The following DMKN variants were observed in gnomAD, a reference collection of about 807,000 sequenced individuals.
DMKN encodes the protein epidermis-specific secreted protein SK30/SK89.
DMKN carries 58 observed loss-of-function variants against 67.6 expected under a neutral mutation model. The ratio of observed to expected loss-of-function variants is 0.86; its 90% CI spans 0.69 to 1.07. The LOEUF is 1.07. Among genes scored for constraint, DMKN ranks in the 50% least tolerant of loss-of-function variants. The pLI is 0.00. For synonymous variants in DMKN, 240 were observed against 232.3 expected (o/e 1.03, Z -0.30); for missense variants, 596 against 601.5 (o/e 0.99, Z 0.10).
Position 35,510,184 on chromosome 19 carries a change from C to T in DMKN, c.987G>A (p.Gly329=). ...GSGGGNGHKP[G]CEKPGNEARG... ...TGGGAGATTCACGCCAGCCACTCAC[C>T]CCGGGTTTATGTCCATTTCCTCCGC... The change falls in exon 6 of 16, where the codon GGG becomes GGA. Residue 329 remains glycine (G), a splice_region_variant and synonymous_variant. Transcript: ENST00000339686. The T allele has an allele frequency of 6.2e-7, 1 of 1,608,104 alleles. No homozygotes were observed. The highest frequency in any genetic ancestry group is 1.7e-5 in the Admixed American group (1 of 59,346).
At chr19:35,502,934 T>C (rs1159404974) in intron 9 of DMKN, 48 bp from the exon 10 acceptor site, 1 of 1,576,900 alleles carries the variant, frequency 6.3e-7, no homozygotes, top group Non-Finnish European at 8.7e-7. Context: ...CTGGGCCCAC[T>C]CACCCACCCC....
At chr19:35,511,870 C>A in intron 3 of DMKN, 57 bp from the exon 4 acceptor site, 1 of 1,554,290 alleles carries the variant, frequency 6.4e-7, no homozygotes, top group South Asian at 1.2e-5. Context: ...ACGTTGGCCT[C>A]GGCCATGGAC....
intron 9 of DMKN, among the ~76,000 whole-genome samples, chr19:35,503,793 G>C (rs56364501): frequency 6.6e-6 from 1 of 152,058 alleles, no homozygotes; most frequent in Admixed American, 6.6e-5. Context: ...GGTTCTAAGA[G>C]AGAGCTTGAG....
At position 35,513,256 on chromosome 19, in the gene DMKN, C is replaced by G. The variant is rs1415711477; in HGVS notation, c.220G>C (p.Gly74Arg). Residue 74 changes from glycine to arginine, a missense_variant, in exon 1 of 16, where the codon GGG becomes CGG. Coordinates refer to ENST00000339686, the MANE Select transcript of DMKN (RefSeq NM_033317.5). ...GSKVSEALGQ[G>R]TREAVGTGVR... ...CCAGTGCCAACTGCTTCTCTGGTCCCTTGGCCAAGGGCCTCACTGACTTTA... is the reference window on the plus strand; with the variant it reads ...CCAGTGCCAACTGCTTCTCTGGTCCGTTGGCCAAGGGCCTCACTGACTTTA... 6.2e-7 allele frequency: 1 copy of G among 1,614,266 alleles called. No individual in the cohort carries two copies. The highest frequency in any genetic ancestry group is 1.7e-5 in the Admixed American group (1 of 60,036).
intron 7 of DMKN, chr19:35,506,369 A>G (rs1225888866): frequency 1.6e-6 from 1 of 642,302 alleles, no homozygotes. Context: ...CTTTCTTAGA[A>G]TGGATTGCTC....
intron 9 of DMKN, chr19:35,503,313 G>A: frequency 6.5e-7 from 1 of 1,533,658 alleles, no homozygotes; most frequent in African/African-American, 1.4e-5. Flanking sequence ...GTGTGGGGCA[G>A]CTAAGGTTTA....
Position 35,502,560 on chromosome 19 carries a change from C to T in DMKN, c.1191+270G>A, listed in dbSNP as rs537160871. Among the ~76,000 whole-genome samples the T allele has an allele frequency of 2.0e-3, 300 of 152,024 alleles. 1 individual carries two copies. The highest frequency in any genetic ancestry group is 6.9e-3 in the African/African-American group (288 of 41,458). On this transcript the variant is annotated intron_variant, in intron 10 of 15. Coordinates refer to ENST00000339686, the MANE Select transcript of DMKN (RefSeq NM_033317.5). ...CTAAAAATACAAAAAAAAAATTAGC[C>T]GGGCACGGTGGCAGGCGCCTGTAGT...
intron 15 of DMKN, 133 bp downstream of exon 15, chr19:35,498,583 G>A (rs1221314579): frequency 9.7e-6 from 12 of 1,234,872 alleles, no homozygotes; most frequent in South Asian, 2.9e-5. Context: ...TTTAGAGCAC[G>A]CACCCAGAGC....
rs775260075 is a variant in DMKN, at chr19:35,498,733, A to T, written c.1414T>A (p.Trp472Arg). 3.1e-6 allele frequency: 5 copies of T among 1,614,096 alleles called. No homozygotes were observed. Among genetic ancestry groups the T allele is most frequent in the Non-Finnish European group, 3.4e-6 (4 of 1,179,994 alleles). ...ASRVQPGLLQ[W>R]VKFW ...ACACTCACCTACCAAAACTTCACCC[A>T]CTGCAGCAGGCCAGGTTGCACCCGG... The change falls in exon 15 of 16, where the codon TGG (tryptophan) becomes AGG (arginine). Residue 472 changes from tryptophan to arginine, a missense_variant. Physicochemically the swap from Trp to Arg is moderately radical, Grantham distance 101. Coordinates refer to ENST00000339686, the MANE Select transcript of DMKN (RefSeq NM_033317.5).
chr19:35,510,383 C>T, intron 5 of DMKN, 131 bp from the exon 6 acceptor site: 2 of 1,552,422 alleles, frequency 1.3e-6, no homozygotes, highest in South Asian at 1.2e-5. Context: ...CCAGACCTTC[C>T]CCCTCTTTAG....
At chr19:35,506,019 G>T (rs375631845) in intron 7 of DMKN, 33 bp from the exon 8 acceptor site, 2 of 1,614,114 alleles carry the variant, frequency 1.2e-6, no homozygotes, top group Admixed American at 1.7e-5. Flanking sequence ...GATGAGAGAA[G>T]AACCCACTTT....
chr19:35,508,126 A>G, intron 7 of DMKN: 2 of 1,529,500 alleles, frequency 1.3e-6, no homozygotes, highest in Non-Finnish European at 1.8e-6. Context: ...CCTGTCTGCC[A>G]GTATTGCTCC....
chr19:35,505,442 G>GTTT (rs903288913), intron 9 of DMKN, among the ~76,000 whole-genome samples: 2 of 152,098 alleles, frequency 1.3e-5, no homozygotes, highest in African/African-American at 2.4e-5. Context: ...ATCTCAAAGG[G>GTTT]GAAAGTGAGG....
At chr19:35,511,630 A>G (rs747771067) in intron 4 of DMKN, 37 bp from the exon 5 acceptor site, 4 of 1,604,960 alleles carry the variant, frequency 2.5e-6, no homozygotes, top group Non-Finnish European at 2.6e-6. Flanking sequence ...GGGATTAAAG[A>G]CAGAGCACCA....
intron 7 of DMKN, 171 bp downstream of exon 7, chr19:35,509,740 C>G: frequency 2.8e-6 from 2 of 707,622 alleles, no homozygotes; most frequent in Non-Finnish European, 4.7e-6. Context: ...TTAATTAGTA[C>G]TTTGGAAATC....
At chr19:35,509,313 T>A (rs528405629) in intron 7 of DMKN, among the ~76,000 whole-genome samples, 1 of 152,208 alleles carries the variant, frequency 6.6e-6, no homozygotes, top group South Asian at 2.1e-4. Flanking sequence ...AAGGTTAGTA[T>A]CCCTCATAGA....
intron 5 of DMKN, 119 bp downstream of exon 5, chr19:35,511,289 CTAT>C: frequency 6.5e-7 from 1 of 1,535,672 alleles, no homozygotes; most frequent in Non-Finnish European, 8.8e-7. Flanking sequence ...AGGGTGACGA[CTAT>C]CAGCGAGGCC....
At chr19:35,504,170 G>T (rs553781499) in intron 9 of DMKN, among the ~76,000 whole-genome samples, 43 of 150,262 alleles carry the variant, frequency 2.9e-4, no homozygotes, top group Non-Finnish European at 4.7e-4. Flanking sequence ...AAACTGGCAG[G>T]GTGTCTATCC....
intron 7 of DMKN, chr19:35,508,191 T>G (rs2069971725): frequency 6.4e-7 from 1 of 1,551,986 alleles, no homozygotes; most frequent in South Asian, 1.2e-5. Flanking sequence ...ACCCCACATC[T>G]ACCATCCTCT....
Sources: allele counts gnomAD v4.1 joint callset (sites outside exome capture counted in the v4.1 genomes callset), GRCh38; gene constraint gnomAD v4.1.1; transcripts MANE v1.5; gene names NCBI Gene and HGNC (gene_info 2026-07-23, HGNC 2026-07-21).